Variants in CDK13 observed in about 807,000 individuals in gnomAD.
CDK13 encodes cyclin-dependent kinase 13.
CDK13 carries 40 observed loss-of-function variants against 137.6 expected under a neutral mutation model. The ratio of observed to expected loss-of-function variants is 0.29; its 90% CI spans 0.23 to 0.38. The LOEUF is 0.38. Among genes scored for constraint, CDK13 ranks in the 10% least tolerant of loss-of-function variants. The probability of loss-of-function intolerance (pLI) is 1.00; values close to 1 mark genes in which losing one functional copy is unlikely to be tolerated. For missense variants in CDK13, 1,704 were observed against 1,951.8 expected (o/e 0.87, Z 2.39); for synonymous variants, 869 against 760.1 (o/e 1.14, Z -2.36).
At chr7:40,012,867 G>A (rs991482710) in intron 5 of CDK13, among the ~76,000 whole-genome samples, 2 of 149,140 alleles carry the variant, frequency 1.3e-5, no homozygotes, top group African/African-American at 5.0e-5. Context: ...AACCAAGATT[G>A]CACCACTGCA....
At chr7:39,987,558 C>A (rs994862421) in intron 1 of CDK13, 41 bp from the exon 2 acceptor site, 3 of 1,476,800 alleles carry the variant, frequency 2.0e-6, no homozygotes, top group Admixed American at 2.4e-5. Context: ...CAAACTGAAC[C>A]TTTCTCAATT....
chr7:40,003,200 ACACACACT>A (rs1267949682), intron 5 of CDK13, among the ~76,000 whole-genome samples: 114 of 86,358 alleles, frequency 1.3e-3, no homozygotes, highest in African/African-American at 3.6e-3. Context: ...ACACACACAC[ACACACACT>A]CTCTCTCTCT....
chr7:39,957,291 T>C (rs181365892), intron 1 of CDK13, among the ~76,000 whole-genome samples: 5 of 151,906 alleles, frequency 3.3e-5, no homozygotes, highest in Admixed American at 3.3e-4. Context: ...TTCATCTAGA[T>C]AAAAGTTAGT....
At chr7:39,992,183 T>TGC (rs1784476615) in intron 2 of CDK13, among the ~76,000 whole-genome samples, 1 of 151,638 alleles carries the variant, frequency 6.6e-6, no homozygotes, top group African/African-American at 2.4e-5. Context: ...TGTGTGTGTG[T>TGC]GTGTGTGTGT....
intron 1 of CDK13, among the ~76,000 whole-genome samples, chr7:39,957,924 C>G (rs915752073): frequency 3.9e-5 from 6 of 151,940 alleles, no homozygotes; most frequent in African/African-American, 1.4e-4. Context: ...GTGTGAATAT[C>G]ATTTTGTTGT....
intron 12 of CDK13, among the ~76,000 whole-genome samples, chr7:40,091,618 C>T (rs1297832816): frequency 6.6e-6 from 1 of 152,104 alleles, no homozygotes; most frequent in Non-Finnish European, 1.5e-5. Context: ...GAAAACGCCC[C>T]TTCAGCAAAA....
At chr7:39,999,625 C>A (rs1432932696) in intron 4 of CDK13, 125 bp downstream of exon 4, 1 of 972,640 alleles carries the variant, frequency 1.0e-6, no homozygotes, top group Non-Finnish European at 1.5e-6. Flanking sequence ...GCTTTTGTTT[C>A]ATCTTGTTTT....
chr7:40,069,475 T>C (rs957174754), intron 9 of CDK13: 1 of 302,312 alleles, frequency 3.3e-6, no homozygotes. Context: ...TAAGTTTTTT[T>C]CTTCAAAAGT....
chr7:39,976,323 T>TCTCTCACACACACA lies in CDK13; in HGVS notation c.1212-11275_1212-11274insTCTCACACACACAC. 6.4e-3 allele frequency among the ~76,000 whole-genome samples: 252 copies of TCTCTCACACACACA among 39,552 alleles called. 6 individuals carry two copies. The highest frequency in any genetic ancestry group is 8.0e-3 in the Non-Finnish European group (137 of 17,102). 25.9% of individuals were successfully genotyped at this position (39,552 alleles called of 152,430 possible). On this transcript the variant is annotated intron_variant, in intron 1 of 13. Transcript: ENST00000181839. ...CTCTCTCTCTCTCTCTCTCTCTCTC[T>TCTCTCACACACACA]CACACACACACACACACACACACAC...
chr7:39,996,977 G>GAAAAAAAAAAAAAA (rs56058107), intron 2 of CDK13, among the ~76,000 whole-genome samples: 1 of 117,086 alleles, frequency 8.5e-6, no homozygotes, highest in African/African-American at 3.5e-5. Context: ...AAAAAAAAAA[G>GAAAAAAAAAAAAAA]AAAAAAAAAA....
At chr7:39,955,107 T>A (rs1787369152) in intron 1 of CDK13, among the ~76,000 whole-genome samples, 1 of 152,182 alleles carries the variant, frequency 6.6e-6, no homozygotes, top group Admixed American at 6.5e-5. Flanking sequence ...ACTACTTGAC[T>A]GTTGGGGTGT....
chr7:40,039,951 GT>G (rs937939868), intron 5 of CDK13, among the ~76,000 whole-genome samples: 2 of 145,054 alleles, frequency 1.4e-5, no homozygotes, highest in Non-Finnish European at 3.0e-5. Flanking sequence ...GGAATTCTGT[GT>G]TTTTTTAAAA....
At chr7:40,023,335 G>A (rs34001580) in intron 5 of CDK13, among the ~76,000 whole-genome samples, 2,060 of 152,058 alleles carry the variant, frequency 0.014, 30 homozygotes, top group South Asian at 0.023. Context: ...AAAGTGTTGC[G>A]ATTATAGGCA....
intron 5 of CDK13, among the ~76,000 whole-genome samples, chr7:40,027,678 T>TG (rs1316275474): frequency 1.0e-4 from 15 of 145,762 alleles, no homozygotes; most frequent in Admixed American, 1.0e-3. Context: ...TTTTTTTTTT[T>TG]GAGGATTCAC....
intron 5 of CDK13, among the ~76,000 whole-genome samples, chr7:40,013,666 A>G (rs1234408387): frequency 6.6e-6 from 1 of 152,318 alleles, no homozygotes; most frequent in South Asian, 2.1e-4. Context: ...TAGGGTCATG[A>G]AAATGTTCTA....
chr7:40,014,864 A>G (rs1784972377), intron 5 of CDK13, among the ~76,000 whole-genome samples: 1 of 152,202 alleles, frequency 6.6e-6, no homozygotes, highest in South Asian at 2.1e-4. Context: ...TTTACATAGT[A>G]ATAATGTTCA....
chr7:39,974,797 C>T (rs972086560), intron 1 of CDK13, among the ~76,000 whole-genome samples: 1 of 152,138 alleles, frequency 6.6e-6, no homozygotes, highest in African/African-American at 2.4e-5. Context: ...CTCCTGACCT[C>T]AGGTGATCCA....
chr7:39,951,443 A>G lies in CDK13; in HGVS notation c.802A>G (p.Ser268Gly). The change falls in exon 1 of 14, where the codon AGT becomes GGT. Residue 268 changes from serine (S) to glycine (G), a missense_variant. This residue lies in a region of CDK13 where 1,051 missense variants were observed against 931.0 expected (regional missense o/e 1.13). Coordinates refer to ENST00000181839, the MANE Select transcript of CDK13 (RefSeq NM_003718.5). The part of the protein sequence containing the change: ...RKSASATSSS[S>G]SSRKDRDSKA... ...AAGCGCTTCGGCCACATCCAGCAGC[A>G]GTAGCAGCCGCAAGGACCGGGACTC... 3 of 1,537,120 alleles carry G rather than the reference A, an allele frequency of 2.0e-6. No homozygotes were observed. Among genetic ancestry groups the G allele is most frequent in the Non-Finnish European group, 2.6e-6 (3 of 1,142,638 alleles).
At chr7:40,045,693 G>C (rs1311580851) in intron 5 of CDK13, 143 bp from the exon 6 acceptor site, 1 of 551,072 alleles carries the variant, frequency 1.8e-6, no homozygotes, top group African/African-American at 2.0e-5. Flanking sequence ...CAGAGAGAAA[G>C]ATGAATGTTA....
Sources: allele counts gnomAD v4.1 joint callset (sites outside exome capture counted in the v4.1 genomes callset), GRCh38; gene constraint gnomAD v4.1.1; regional missense constraint gnomAD v4.1.1; transcripts MANE v1.5; gene names NCBI Gene and HGNC (gene_info 2026-07-23, HGNC 2026-07-21).